PERM1: variants seen among roughly 807,000 people sequenced by gnomAD.
PERM1 encodes the protein PGC-1 and ERR-induced regulator in muscle protein 1.
PERM1 carries 45 observed loss-of-function variants against 44.1 expected under a neutral mutation model. The ratio of observed to expected loss-of-function variants is 1.02; its 90% CI spans 0.80 to 1.31. The LOEUF is 1.31. PERM1 is among the 50% of genes most tolerant of loss of function. The pLI is 0.00. For missense variants in PERM1, 1,189 were observed against 1,106.9 expected (o/e 1.07, Z -1.05); for synonymous variants, 565 against 477.1 (o/e 1.18, Z -2.40).
exon 1 of PERM1, chr1:979,230 C>T (rs145616017): frequency 0.016 from 25,010 of 1,550,144 alleles, 259 homozygotes; most frequent in Non-Finnish European, 0.018. Context: ...CGGCCGCTGC[C>T]GCCTCAGCCT....
exon 1 of PERM1, chr1:979,403 C>T (rs1465216193): frequency 6.6e-7 from 1 of 1,514,260 alleles, no homozygotes; most frequent in East Asian, 2.5e-5. Flanking sequence ...ACAGCCACAG[C>T]CTCCCAGGCT....
chr1:981,501 C>T (rs980727602), upstream of PERM1, among the ~76,000 whole-genome samples: 1 of 152,236 alleles, frequency 6.6e-6, no homozygotes, highest in South Asian at 2.1e-4. Flanking sequence ...CCAGTGCCCT[C>T]GGGGGTGGGC....
At position 976,285 on chromosome 1, in the gene PERM1, A is replaced by C. The variant is rs1418278170; in HGVS notation, c.2276-16T>G. 3 of 1,494,856 alleles carry C rather than the reference A, an allele frequency of 2.0e-6. No homozygotes were observed. The highest frequency in any genetic ancestry group is 2.7e-6 in the Non-Finnish European group (3 of 1,121,048). 92.6% of individuals were successfully genotyped at this position (1,494,856 alleles called of 1,614,324 possible). On this transcript the variant is annotated splice_polypyrimidine_tract_variant and intron_variant, in intron 2 of 2. Coordinates refer to ENST00000433179, the Ensembl canonical transcript of PERM1. ...GCCAGCAAGGCTGCAAGAGAAGCACAGGCTCTTCTGAGGGCCAGCCTGGCT... is the reference window on the plus strand; with the variant it reads ...GCCAGCAAGGCTGCAAGAGAAGCACCGGCTCTTCTGAGGGCCAGCCTGGCT...
At chr1:979,061 G>T in exon 1 of PERM1, 2 of 1,547,398 alleles carry the variant, frequency 1.3e-6, no homozygotes, top group Non-Finnish European at 1.7e-6. Context: ...TAGACCTCAG[G>T]GATGGAGATG....
intron 1 of PERM1, among the ~76,000 whole-genome samples, chr1:978,123 C>T (rs1643675691): frequency 8.2e-6 from 1 of 122,244 alleles, no homozygotes; most frequent in Non-Finnish European, 1.7e-5. Flanking sequence ...GCCCCGCACA[C>T]GGCCGCCCCG....
exon 1 of PERM1, chr1:980,490 G>A (rs1356694741): frequency 1.3e-6 from 2 of 1,505,216 alleles, no homozygotes; most frequent in East Asian, 2.5e-5. Flanking sequence ...TCTTTCGGCT[G>A]GGGCTCCGTG....
Position 980,708 on chromosome 1 carries a change from G to T in PERM1, c.322C>A (p.Arg108=), listed in dbSNP as rs540058132. The T allele has an allele frequency of 7.7e-6, 11 of 1,420,590 alleles. No homozygotes were observed. The African/African-American group carries it at 1.2e-4, about 15-fold the overall frequency. 88.0% of individuals were successfully genotyped at this position (1,420,590 alleles called of 1,614,324 possible). Reference sequence around the variant, plus strand: ...CCGAGGGACGGTGGAGCTTCTGCCCGTGCGGACGTGCTGGGTGTCTGCTGA... The same window carrying T: ...CCGAGGGACGGTGGAGCTTCTGCCCTTGCGGACGTGCTGGGTGTCTGCTGA... Residue 108 remains arginine, a synonymous_variant, in exon 1 of 3, where the codon CGG becomes AGG. Transcript: ENST00000433179.
At chr1:981,259 A>G, upstream of PERM1, 1 of 1,410,340 alleles carries the variant, frequency 7.1e-7, no homozygotes, top group South Asian at 1.3e-5. Flanking sequence ...GAAGATCCCC[A>G]GCTCCCATGA....
exon 1 of PERM1, chr1:979,752 A>G (rs1252175139): frequency 1.3e-6 from 2 of 1,550,290 alleles, no homozygotes; most frequent in Admixed American, 3.9e-5. Flanking sequence ...GTGGAGATGA[A>G]GCCACCTCTA....
upstream of PERM1, chr1:981,175 T>C (rs780021864): frequency 2.6e-6 from 4 of 1,547,342 alleles, no homozygotes; most frequent in South Asian, 1.2e-5. Context: ...ATCCATGCCC[T>C]GAAAGGAAGA....
exon 3 of PERM1, chr1:976,070 AAG>A (rs1643590213): frequency 1.7e-6 from 2 of 1,175,462 alleles, no homozygotes; most frequent in Admixed American, 2.7e-5. Context: ...GACGCGGTAG[AAG>A]AGAGGGGTCA....
At chr1:980,019 C>A in exon 1 of PERM1, 1 of 1,548,976 alleles carries the variant, frequency 6.5e-7, no homozygotes, top group Non-Finnish European at 8.7e-7. Context: ...TGTCAGGTTG[C>A]GGCTCAGAGG....
In PERM1 at chr1:975,960, AC is replaced by A. The variant is rs1643585657; in HGVS notation, c.*211del. On this transcript the variant is annotated 3_prime_UTR_variant, in exon 3 of 3. Transcript: ENST00000433179. ...ACCTGCCTGCCCTCCACCCACCCAGACTTTAGCACCTCCCTCCCAGGCGTGG... is the reference window on the plus strand; with the variant it reads ...ACCTGCCTGCCCTCCACCCACCCAGATTTAGCACCTCCCTCCCAGGCGTGG... The A allele has an allele frequency of 1.1e-5, 6 of 540,726 alleles. No individual in the cohort carries two copies. The South Asian group carries it at 1.6e-4, about 14-fold the overall frequency. The allele number at this position is 540,726 out of a possible 1,614,324, so 33.5% of individuals were successfully genotyped here.
Position 978,964 on chromosome 1 carries a change from CG to C in PERM1, c.2065del (p.Arg689GlyfsTer18). 1 of 1,508,368 alleles carries C rather than the reference CG, an allele frequency of 6.6e-7. No individual in the cohort carries two copies. The highest frequency in any genetic ancestry group is 8.9e-7 in the Non-Finnish European group (1 of 1,124,360). 93.4% of individuals were successfully genotyped at this position (1,508,368 alleles called of 1,614,324 possible). A position where few individuals can be genotyped will look rare whatever the true frequency, so the allele number is the denominator to read the frequency against. ...AGGCCCCGCCCCCTCGGAGGCCGAC[CG>C]GGGAGGCTCCAGGGCCTGCAGTGGG... is the stretch of plus-strand genomic sequence containing the variant. On this transcript the variant is annotated frameshift_variant, in exon 1 of 3. Coordinates refer to ENST00000433179, the Ensembl canonical transcript of PERM1. LOFTEE classifies it high-confidence loss of function.
At chr1:975,856 C>G in exon 3 of PERM1, 1 of 344,474 alleles carries the variant, frequency 2.9e-6, no homozygotes, top group Non-Finnish European at 5.3e-6. Context: ...GTAAAATGAC[C>G]TCCCCACTAT....
exon 1 of PERM1, chr1:979,170 G>A (rs904502571): frequency 4.5e-6 from 7 of 1,550,116 alleles, no homozygotes; most frequent in Non-Finnish European, 5.2e-6. Flanking sequence ...CAACGTCTGG[G>A]AAGAAGAACT....
chr1:980,624 C>G (rs1432284650), exon 1 of PERM1: 1 of 1,444,692 alleles, frequency 6.9e-7, no homozygotes. Context: ...TGCATCTGGT[C>G]TCCAGAAGAC....
exon 1 of PERM1, chr1:979,735 G>A (rs1476333683): frequency 2.0e-5 from 31 of 1,550,332 alleles, no homozygotes; most frequent in South Asian, 3.6e-5. Context: ...CACAGCCTCC[G>A]AGACAGGTGG....
exon 1 of PERM1, chr1:978,918 G>T: frequency 6.6e-7 from 1 of 1,505,818 alleles, no homozygotes; most frequent in East Asian, 2.5e-5. Flanking sequence ...GCTCTACCAC[G>T]GCTGGCTTGA....
Sources: gnomAD v4.1 joint callset for allele counts (sites outside exome capture counted in the v4.1 genomes callset) on GRCh38, gnomAD v4.1.1 for gene constraint, MANE v1.5 for transcripts, NCBI Gene and HGNC (gene_info 2026-07-23, HGNC 2026-07-21) for gene names.